Variants in USP20 observed in about 807,000 individuals in gnomAD.
USP20 encodes ubiquitin specific peptidase 20.
A neutral mutation model predicts 124.2 loss-of-function variants in USP20; 80 were observed. The ratio of observed to expected loss-of-function variants is 0.64; its 90% CI spans 0.54 to 0.78. The LOEUF (loss-of-function observed/expected upper bound fraction) is 0.78, where lower values mean the gene tolerates loss of function less well. Among genes scored for constraint, USP20 ranks in the 30% least tolerant of loss-of-function variants. USP20 has a pLI of 0.00. For synonymous variants in USP20, 481 were observed against 512.3 expected (o/e 0.94, Z 0.83); for missense variants, 1,043 against 1,244.4 (o/e 0.84, Z 2.44).
intron 4 of USP20, among the ~76,000 whole-genome samples, chr9:129,857,590 G>T (rs2033281512): frequency 6.6e-6 from 1 of 152,176 alleles, no homozygotes; most frequent in Admixed American, 6.5e-5. Flanking sequence ...TCAGTACTGG[G>T]TTCCCACTAC....
intron 8 of USP20, 91 bp from the exon 9 acceptor site, chr9:129,863,095 A>G: frequency 1.0e-6 from 1 of 962,742 alleles, no homozygotes; most frequent in South Asian, 2.4e-5. Flanking sequence ...TCCCTGTGCG[A>G]GCACTCAGGG....
chr9:129,869,246 A>G, intron 12 of USP20, 64 bp from the exon 13 acceptor site: 4 of 1,513,848 alleles, frequency 2.6e-6, no homozygotes, highest in Non-Finnish European at 9.1e-7. Flanking sequence ...AGGAAGCCGC[A>G]GGGCCCGCAC....
At chr9:129,865,820 G>C (rs1165874241) in intron 10 of USP20, among the ~76,000 whole-genome samples, 1 of 152,146 alleles carries the variant, frequency 6.6e-6, no homozygotes, top group Non-Finnish European at 1.5e-5. Context: ...ATGAGCCACT[G>C]CACCCGGCGG....
In USP20 at chr9:129,864,603, G is replaced by A. The variant is rs552051386; in HGVS notation, c.612-700G>A. Among the ~76,000 whole-genome samples, 5 of 151,774 alleles carry A rather than the reference G, an allele frequency of 3.3e-5. No individual in the cohort carries two copies. The South Asian group carries it at 8.3e-4, about 25-fold the overall frequency. On this transcript the variant is annotated intron_variant, in intron 9 of 25. Coordinates refer to ENST00000372429, the MANE Select transcript of USP20 (RefSeq NM_001110303.4). ...AGCCTGGCCAATGTGGTGAAACCCC[G>A]TCTCTACTAAAAATACAAAAATTAG...
chr9:129,862,570 T>A (rs1195408287), intron 8 of USP20, among the ~76,000 whole-genome samples: 1 of 88,794 alleles, frequency 1.1e-5, no homozygotes, highest in Non-Finnish European at 2.5e-5. Context: ...AAAAGAAAAA[T>A]TGACCGCACC....
chr9:129,867,769 A>G (rs1390120880), intron 10 of USP20, among the ~76,000 whole-genome samples: 1 of 152,186 alleles, frequency 6.6e-6, no homozygotes, highest in Non-Finnish European at 1.5e-5. Flanking sequence ...GACACTTTCT[A>G]GCTGTGTGTC....
At chr9:129,861,514 T>C (rs1347184604) in intron 7 of USP20, 29 bp from the exon 8 acceptor site, 16 of 1,611,630 alleles carry the variant, frequency 9.9e-6, no homozygotes, top group Non-Finnish European at 1.3e-5. Context: ...GGTGCTCACC[T>C]GCTCCTCCCC....
Position 129,857,544 on chromosome 9 carries a change from A to T in USP20, c.136-506A>T, listed in dbSNP as rs117060587. The stretch of plus-strand genomic sequence containing the variant: ...AGAGTGCGAGGGCAAAGGCAGTGTC[A>T]TCAGGGGCATGTGGGCCCTGCTCTG... On this transcript the variant is annotated intron_variant, in intron 4 of 25. Coordinates refer to ENST00000372429, the MANE Select transcript of USP20 (RefSeq NM_001110303.4). Among the ~76,000 whole-genome samples the T allele has an allele frequency of 5.9e-3, 900 of 152,314 alleles. 6 individuals are homozygous for T. The highest frequency in any genetic ancestry group is 0.02 in the Middle Eastern group (6 of 294).
At chr9:129,852,076 A>C (rs976970242) in intron 2 of USP20, among the ~76,000 whole-genome samples, 7 of 152,184 alleles carry the variant, frequency 4.6e-5, no homozygotes, top group African/African-American at 1.7e-4. Context: ...GACCTATGTC[A>C]ACATCTGCTG....
intron 15 of USP20, among the ~76,000 whole-genome samples, chr9:129,872,290 T>G (rs2034165790): frequency 6.6e-6 from 1 of 151,908 alleles, no homozygotes; most frequent in South Asian, 2.1e-4. Flanking sequence ...GTAGCTGGGA[T>G]TATAGGCACG....
At position 129,858,579 on chromosome 9, in the gene USP20, C is replaced by A. The variant is rs762300776; in HGVS notation, c.311C>A (p.Ser104Tyr). The stretch of plus-strand genomic sequence containing the variant: ...CTGGCAGCCCCTCTGCTGGGCTCCT[C>A]TTCCAAGTTCTCTGAACAGGTAACC... ...QRLAAPLLGS[S>Y]SKFSEQDSPP... The change falls in exon 6 of 26, where the codon TCT (serine) becomes TAT (tyrosine). Residue 104 changes from serine to tyrosine, a missense_variant. By Grantham distance (144) the Ser-to-Tyr change is moderately radical. Coordinates refer to ENST00000372429, the MANE Select transcript of USP20 (RefSeq NM_001110303.4). 6.2e-7 allele frequency: 1 copy of A among 1,613,994 alleles called. No individual in the cohort carries two copies. Among genetic ancestry groups the A allele is most frequent in the Non-Finnish European group, 8.5e-7 (1 of 1,179,980 alleles).
chr9:129,874,835 A>C lies in USP20; in HGVS notation c.1928A>C (p.His643Pro). ...GTCTGCTCTGCCGCCGCAGGTGGGC[A>C]CTACATCGCCTACTGCCAGAACGTG... ...ICHHGTAGSG[H>P]YIAYCQNVIN... is the part of the protein sequence containing the mutation. Residue 643 changes from histidine (H) to proline (P), a missense_variant, in exon 19 of 26, where the codon CAC becomes CCC. Coordinates refer to ENST00000372429, the MANE Select transcript of USP20 (RefSeq NM_001110303.4). The C allele has an allele frequency of 2.5e-6, 4 of 1,614,086 alleles. No homozygotes were observed. Among genetic ancestry groups the C allele is most frequent in the Non-Finnish European group, 3.4e-6 (4 of 1,180,024 alleles).
At chr9:129,840,140 T>A (rs911393396) in intron 1 of USP20, among the ~76,000 whole-genome samples, 2 of 152,366 alleles carry the variant, frequency 1.3e-5, no homozygotes, top group African/African-American at 4.8e-5. Flanking sequence ...TAGGTCCTAC[T>A]CTGCGTGGCT....
chr9:129,858,029 T>A (rs1165510254), intron 4 of USP20, 21 bp from the exon 5 acceptor site: 1 of 1,611,118 alleles, frequency 6.2e-7, no homozygotes, highest in African/African-American at 1.3e-5. Context: ...TCCAGTCCAC[T>A]CTCCTTCCCT....
Position 129,880,557 on chromosome 9 carries a change from GT to G in USP20, c.*109del. On this transcript the variant is annotated 3_prime_UTR_variant, in exon 26 of 26. Transcript: ENST00000372429. ...CCCCGCCGTGTAAAGAGGCAGAAAA[GT>G]TGGTTTGGTTTGCAGTAACGCTGCA... 2.3e-6 allele frequency: 1 copy of G among 440,978 alleles called. No individual in the cohort carries two copies. Among genetic ancestry groups the G allele is most frequent in the South Asian group, 3.3e-5 (1 of 30,306 alleles). 27.3% of individuals were successfully genotyped at this position (440,978 alleles called of 1,614,324 possible). A position where few individuals can be genotyped will look rare whatever the true frequency, so the allele number is the denominator to read the frequency against.
intron 8 of USP20, among the ~76,000 whole-genome samples, chr9:129,861,984 AAGG>A (rs1402941472): frequency 3.9e-5 from 6 of 152,168 alleles, no homozygotes; most frequent in Non-Finnish European, 5.9e-5. Context: ...GTGGGGGAAA[AAGG>A]AGGTTATAAA....
At chr9:129,850,022 G>A (rs369034014) in intron 2 of USP20, 98 bp downstream of exon 2, 1 of 147,974 alleles carries the variant, frequency 6.8e-6, no homozygotes, top group Non-Finnish European at 1.5e-5. Flanking sequence ...TGATTATGGG[G>A]TTTTTTTTTT....
chr9:129,867,943 G>A, intron 10 of USP20, 62 bp from the exon 11 acceptor site: 1 of 1,545,770 alleles, frequency 6.5e-7, no homozygotes, highest in Non-Finnish European at 8.7e-7. Flanking sequence ...CAGCCACAGG[G>A]CGCTGGAGAC....
chr9:129,846,247 A>ATATATATATGTATTTTTT (rs1554742656), intron 1 of USP20, among the ~76,000 whole-genome samples: 1 of 32,664 alleles, frequency 3.1e-5, no homozygotes, highest in Non-Finnish European at 5.2e-5. Context: ...ATATATATAT[A>ATATATATATGTATTTTTT]TTTTTTTTTT....
Sources: gnomAD v4.1 joint callset for allele counts (sites outside exome capture counted in the v4.1 genomes callset) on GRCh38, gnomAD v4.1.1 for gene constraint, MANE v1.5 for transcripts, NCBI Gene and HGNC (gene_info 2026-07-23, HGNC 2026-07-21) for gene names.